Variants in RIMS4 observed in about 807,000 individuals in gnomAD.
The protein encoded by RIMS4 is regulating synaptic membrane exocytosis 4, also known as regulating synaptic membrane exocytosis protein 4.
Under a neutral mutation model 29.0 loss-of-function variants are expected in RIMS4, and 9 were observed. That is an observed-to-expected ratio of 0.31 (90% CI 0.19 to 0.54). The LOEUF (loss-of-function observed/expected upper bound fraction) is 0.54, where lower values mean the gene tolerates loss of function less well. Ranked by LOEUF, RIMS4 falls within the 20% of genes least tolerant of loss-of-function variation. RIMS4 has a pLI of 0.94. For synonymous variants in RIMS4, 130 were observed against 152.9 expected (o/e 0.85, Z 1.10); for missense variants, 193 against 365.7 (o/e 0.53, Z 3.85).
chr20:44,756,697 AG>A lies in RIMS4; in HGVS notation c.591+200del, dbSNP rs368698770. Among the ~76,000 whole-genome samples, 31 of 152,230 alleles carry A rather than the reference AG, an allele frequency of 2.0e-4. 1 individual carries two copies. The highest frequency in any genetic ancestry group is 7.0e-4 in the African/African-American group (29 of 41,548). Reference sequence around the variant, plus strand: ...CCCCGCTTTACAGATGAAGGAACTGAGGGTCAGAAGGGAACTTGTTCAAAGT... The same window carrying A: ...CCCCGCTTTACAGATGAAGGAACTGAGGTCAGAAGGGAACTTGTTCAAAGT... On this transcript the variant is annotated intron_variant, in intron 5 of 5. Coordinates refer to ENST00000372851, the MANE Select transcript of RIMS4 (RefSeq NM_182970.4). The surrounding 1 kb of genome is among the most constrained non-coding windows in gnomAD (Gnocchi z 5.9).
intron 1 of RIMS4, among the ~76,000 whole-genome samples, chr20:44,808,592 C>A (rs559081882): frequency 1.3e-5 from 2 of 152,134 alleles, no homozygotes; most frequent in African/African-American, 4.8e-5. Context: ...AACCTCTGAG[C>A]CTCAGTTGTT....
chr20:44,779,912 T>C (rs2066176503), intron 1 of RIMS4, among the ~76,000 whole-genome samples: 1 of 152,204 alleles, frequency 6.6e-6, no homozygotes, highest in East Asian at 1.9e-4. Flanking sequence ...GATTGGAAGA[T>C]TTTGAGGAAA....
chr20:44,793,565 A>ACAT (rs1450894112), intron 1 of RIMS4, among the ~76,000 whole-genome samples: 1 of 152,192 alleles, frequency 6.6e-6, no homozygotes, highest in African/African-American at 2.4e-5. Context: ...CAGGAGAATG[A>ACAT]AGCCAGGGAA....
intron 1 of RIMS4, among the ~76,000 whole-genome samples, chr20:44,799,079 G>A (rs1196185541): frequency 1.3e-5 from 2 of 152,224 alleles, no homozygotes; most frequent in African/African-American, 4.8e-5. Flanking sequence ...GAGGTGGGCA[G>A]ATCACCTGAG....
rs562141290 is a variant in RIMS4, at chr20:44,752,586, G to C, written c.*3548C>G. On this transcript the variant is annotated 3_prime_UTR_variant, in exon 6 of 6. Transcript: ENST00000372851. ...CTCCCTGCTTTGAAATGGGGATGAC[G>C]GCACAGGCCACCACCTACTCCCCAG... is the stretch of plus-strand genomic sequence containing the variant. 6.6e-6 allele frequency: 1 copy of C among 152,528 alleles called. No individual in the cohort carries two copies. The highest frequency in any genetic ancestry group is 2.1e-4 in the South Asian group (1 of 4,834). The allele number at this position is 152,528 out of a possible 1,614,324, so 9.4% of individuals were successfully genotyped here. A position where few individuals can be genotyped will look rare whatever the true frequency, so the allele number is the denominator to read the frequency against.
At chr20:44,785,434 C>G (rs942858055) in intron 1 of RIMS4, among the ~76,000 whole-genome samples, 31 of 152,168 alleles carry the variant, frequency 2.0e-4, no homozygotes, top group Non-Finnish European at 5.9e-5. Context: ...TGGTCTCCAA[C>G]TCCTGGGCTC....
intron 1 of RIMS4, among the ~76,000 whole-genome samples, chr20:44,808,095 T>TACACACACACACCC (rs1233517719): frequency 6.8e-6 from 1 of 147,368 alleles, no homozygotes; most frequent in African/African-American, 2.6e-5. Flanking sequence ...TATATATATA[T>TACACACACACACCC]ATACACACAC....
intron 2 of RIMS4, among the ~76,000 whole-genome samples, chr20:44,768,942 A>C (rs1248162567): frequency 1.3e-5 from 2 of 152,238 alleles, no homozygotes; most frequent in East Asian, 3.8e-4. Context: ...TCACTGTGCT[A>C]AGTTCTTTTA....
Sources: gnomAD v4.1 joint callset for allele counts (sites outside exome capture counted in the v4.1 genomes callset) on GRCh38, gnomAD v4.1.1 for gene constraint, Gnocchi (gnomAD v3.1) non-coding constraint, MANE v1.5 for transcripts, NCBI Gene and HGNC (gene_info 2026-07-23, HGNC 2026-07-21) for gene names.